Variants in ZC3H3 observed in about 807,000 individuals in gnomAD.
ZC3H3 encodes zinc finger CCCH domain-containing protein 3.
Under a neutral mutation model 77.3 loss-of-function variants are expected in ZC3H3, and 36 were observed. The ratio of observed to expected loss-of-function variants is 0.47; its 90% CI spans 0.36 to 0.61. ZC3H3 has a LOEUF of 0.61. Among genes scored for constraint, ZC3H3 ranks in the 20% least tolerant of loss-of-function variants. The pLI, the probability that ZC3H3 is intolerant of heterozygous loss-of-function variation, is 0.00. For synonymous variants in ZC3H3, 626 were observed against 555.2 expected, an observed-to-expected ratio of 1.13 and a Z score of -1.79; for missense variants, 1,331 against 1,312.2, an observed-to-expected ratio of 1.01 and a Z score of -0.22.
rs1027042527 is a variant in ZC3H3 at position 143,462,665 on chromosome 8, G to A, written c.2307+3052C>T. On this transcript the variant is annotated intron_variant, in intron 9 of 11. Coordinates refer to ENST00000262577, the MANE Select transcript of ZC3H3 (RefSeq NM_015117.3). This position sits in a 1 kb window ranked among gnomAD's most constrained non-coding sequence, Gnocchi z 4.7. ...TCTCCCGACAGCTCCCTGCAGACAG[G>A]CACCAACCACACACAGGGTGTGGGG... Among the ~76,000 whole-genome samples, 5 of 152,216 alleles carry A rather than the reference G, an allele frequency of 3.3e-5. No homozygotes were observed. Among genetic ancestry groups the A allele is most frequent in the Admixed American group, 2.0e-4 (3 of 15,288 alleles).
In ZC3H3 at chr8:143,475,618, C is replaced by T. The variant is rs971385644; in HGVS notation, c.1716-33G>A. On this transcript the variant is annotated intron_variant, in intron 4 of 11. Coordinates refer to ENST00000262577, the MANE Select transcript of ZC3H3 (RefSeq NM_015117.3). ...GACAGGAAATGCCCGTCAAACCTGG[C>T]CCCAGGACAGACTACAGCTCTGATG... 3.2e-6 allele frequency: 5 copies of T among 1,542,042 alleles called. No individual in the cohort carries two copies. The African/African-American group carries it at 4.1e-5, about 13-fold the overall frequency.
At chr8:143,523,063 T>C (rs1048535681) in intron 3 of ZC3H3, among the ~76,000 whole-genome samples, 2 of 152,202 alleles carry the variant, frequency 1.3e-5, no homozygotes, top group Non-Finnish European at 2.9e-5. Context: ...GGTCAGGGGC[T>C]AGTGACGGGG....
chr8:143,532,319 G>C (rs1344590791), intron 3 of ZC3H3, among the ~76,000 whole-genome samples: 1 of 152,272 alleles, frequency 6.6e-6, no homozygotes, highest in Non-Finnish European at 1.5e-5. Context: ...GAAGTGCGGC[G>C]GGGGAGGGAG....
intron 5 of ZC3H3, among the ~76,000 whole-genome samples, chr8:143,474,513 G>A (rs1820670858): frequency 6.6e-6 from 1 of 152,246 alleles, no homozygotes; most frequent in Admixed American, 6.5e-5. Context: ...CCCAGAGATG[G>A]ATGCTAGGAA....
At chr8:143,488,670 T>A (rs2129957786) in intron 4 of ZC3H3, among the ~76,000 whole-genome samples, 1 of 152,316 alleles carries the variant, frequency 6.6e-6, no homozygotes, top group East Asian at 1.9e-4. Context: ...CCAGAACTCA[T>A]GCCATCTTAG....
intron 3 of ZC3H3, among the ~76,000 whole-genome samples, chr8:143,528,125 C>T (rs1822478690): frequency 6.6e-6 from 1 of 152,190 alleles, no homozygotes; most frequent in South Asian, 2.1e-4. Flanking sequence ...CACCCTCCCC[C>T]ACTGCCAAGA....
intron 9 of ZC3H3, among the ~76,000 whole-genome samples, chr8:143,450,796 G>A (rs1481584749): frequency 6.6e-6 from 1 of 152,166 alleles, no homozygotes; most frequent in Middle Eastern, 3.4e-3. Flanking sequence ...CTCCCACCAG[G>A]CCCCAACTCC....
intron 3 of ZC3H3, chr8:143,523,403 T>G (rs1822313444): frequency 1.0e-6 from 1 of 985,412 alleles, no homozygotes; most frequent in African/African-American, 1.7e-5. Flanking sequence ...CTGCAGTTCA[T>G]GTTTTCCCGG....
chr8:143,488,364 G>A (rs1355976502), intron 4 of ZC3H3, among the ~76,000 whole-genome samples: 1 of 75,962 alleles, frequency 1.3e-5, no homozygotes, highest in Non-Finnish European at 2.4e-5. Flanking sequence ...CCCGCTACAC[G>A]GCCCCATCAC....
At chr8:143,473,833 C>A (rs1437512373) in intron 5 of ZC3H3, among the ~76,000 whole-genome samples, 3 of 152,334 alleles carry the variant, frequency 2.0e-5, no homozygotes, top group East Asian at 3.9e-4. Context: ...TGGACGGCCA[C>A]AGGCGCCTGG....
chr8:143,519,701 A>C (rs2130460726), intron 3 of ZC3H3, among the ~76,000 whole-genome samples: 1 of 152,208 alleles, frequency 6.6e-6, no homozygotes, highest in Non-Finnish European at 1.5e-5. Context: ...GGCCCGCCTC[A>C]CCTTTCACAG....
intron 4 of ZC3H3, among the ~76,000 whole-genome samples, chr8:143,483,656 G>A (rs1183914066): frequency 1.3e-5 from 2 of 152,212 alleles, no homozygotes; most frequent in African/African-American, 2.4e-5. Context: ...AAGGGCCTGT[G>A]GCTGCCAGGG....
chr8:143,475,960 C>A (rs1820723121), intron 4 of ZC3H3, among the ~76,000 whole-genome samples: 1 of 152,178 alleles, frequency 6.6e-6, no homozygotes, highest in African/African-American at 2.4e-5. Context: ...CACCCCTGGG[C>A]CCTGACCACC....
chr8:143,447,727 G>A (rs1326414346), intron 9 of ZC3H3, among the ~76,000 whole-genome samples: 1 of 152,196 alleles, frequency 6.6e-6, no homozygotes, highest in Non-Finnish European at 1.5e-5. Context: ...TCACACGGCC[G>A]AGCAGGAGGA....
In ZC3H3 at chr8:143,468,777, T is replaced by A. The variant is rs117920443; in HGVS notation, c.1904-118A>T. On this transcript the variant is annotated intron_variant, in intron 5 of 11. Coordinates refer to ENST00000262577, the MANE Select transcript of ZC3H3 (RefSeq NM_015117.3). Reference sequence around the variant, plus strand: ...CCCAACACTCAGCTCAGGCACAGCCTCCCCTCCAGGAAACTGCCCAGAGCT... The same window carrying A: ...CCCAACACTCAGCTCAGGCACAGCCACCCCTCCAGGAAACTGCCCAGAGCT... 12,545 of 1,338,048 alleles carry A rather than the reference T, an allele frequency of 9.4e-3. 68 individuals are homozygous for A. The highest frequency in any genetic ancestry group is 0.012 in the Non-Finnish European group (11,683 of 1,002,550). The allele number at this position is 1,338,048 out of a possible 1,614,324, so 82.9% of individuals were successfully genotyped here.
chr8:143,463,475 G>A (rs575255049), intron 9 of ZC3H3, among the ~76,000 whole-genome samples: 4 of 152,290 alleles, frequency 2.6e-5, no homozygotes, highest in East Asian at 1.9e-4. Flanking sequence ...GGACACACCC[G>A]TGGACAAACA....
chr8:143,473,444 C>A (rs1820636361), intron 5 of ZC3H3, among the ~76,000 whole-genome samples: 1 of 152,224 alleles, frequency 6.6e-6, no homozygotes, highest in African/African-American at 2.4e-5. Context: ...CCTCTCCCTG[C>A]ACTAGGGACG....
chr8:143,440,478 G>C (rs868438656), intron 10 of ZC3H3, 115 bp from the exon 11 acceptor site: 37 of 1,436,214 alleles, frequency 2.6e-5, no homozygotes, highest in Middle Eastern at 5.2e-4. Context: ...TGGTCTCAGG[G>C]CAGAGCTGGA....
chr8:143,486,536 C>A (rs1037622987), intron 4 of ZC3H3, among the ~76,000 whole-genome samples: 2 of 152,240 alleles, frequency 1.3e-5, no homozygotes, highest in African/African-American at 4.8e-5. Flanking sequence ...TGTTTGAAGA[C>A]CCCATCCCCA....
Sources: allele counts gnomAD v4.1 joint callset (sites outside exome capture counted in the v4.1 genomes callset), GRCh38; gene constraint gnomAD v4.1.1; non-coding constraint Gnocchi (gnomAD v3.1); transcripts MANE v1.5; gene names NCBI Gene and HGNC (gene_info 2026-07-23, HGNC 2026-07-21).